The following GRM8 variants were observed in gnomAD, a reference collection of about 807,000 sequenced individuals.
GRM8 encodes glutamate metabotropic receptor 8, also known as metabotropic glutamate receptor 8.
In GRM8, 47 loss-of-function variants were observed where a neutral mutation model predicts 87.2. The ratio of observed to expected loss-of-function variants is 0.54; its 90% CI spans 0.43 to 0.69. The LOEUF (loss-of-function observed/expected upper bound fraction) is 0.69, where lower values mean the gene tolerates loss of function less well. Ranked by LOEUF, GRM8 falls within the 30% of genes least tolerant of loss-of-function variation. GRM8 has a pLI of 0.00. For missense variants in GRM8, 1,019 were observed against 1,139.2 expected (o/e 0.89, Z 1.52); for synonymous variants, 396 against 404.5 (o/e 0.98, Z 0.25).
chr7:127,006,348 A>T (rs1231834131), intron 3 of GRM8, among the ~76,000 whole-genome samples: 4 of 151,968 alleles, frequency 2.6e-5, no homozygotes, highest in Non-Finnish European at 5.9e-5. Context: ...GCATGTAAAC[A>T]TGTTGTAAAA....
chr7:126,974,695 G>A (rs1431675881), intron 3 of GRM8, among the ~76,000 whole-genome samples: 1 of 152,066 alleles, frequency 6.6e-6, no homozygotes, highest in South Asian at 2.1e-4. Flanking sequence ...AGCACTTTGG[G>A]AGGCTAGATG....
At chr7:127,251,632 G>T (rs1024650462) in intron 1 of GRM8, among the ~76,000 whole-genome samples, 5 of 151,492 alleles carry the variant, frequency 3.3e-5, no homozygotes, top group Non-Finnish European at 7.4e-5. Flanking sequence ...CCTTTCCCGC[G>T]CCCCGGGGCA....
chr7:127,076,475 G>T (rs1822269301), intron 3 of GRM8, among the ~76,000 whole-genome samples: 1 of 152,188 alleles, frequency 6.6e-6, no homozygotes, highest in South Asian at 2.1e-4. Context: ...CCCAAGGCTG[G>T]GATGAGGCAG....
At chr7:126,560,675 A>G (rs2150957313) in intron 8 of GRM8, among the ~76,000 whole-genome samples, 1 of 152,348 alleles carries the variant, frequency 6.6e-6, no homozygotes, top group African/African-American at 2.4e-5. Flanking sequence ...AATGCTATAA[A>G]GCAGCACTGC....
At chr7:126,870,981 T>C (rs1303049652) in intron 6 of GRM8, among the ~76,000 whole-genome samples, 1 of 152,198 alleles carries the variant, frequency 6.6e-6, no homozygotes, top group Non-Finnish European at 1.5e-5. Flanking sequence ...AAAACTTATT[T>C]TGCTATATCT....
At chr7:126,858,732 T>C (rs1296355940) in intron 6 of GRM8, among the ~76,000 whole-genome samples, 4 of 152,156 alleles carry the variant, frequency 2.6e-5, no homozygotes, top group African/African-American at 9.7e-5. Context: ...TCATGTTCCT[T>C]GTTTCTGCTT....
intron 3 of GRM8, among the ~76,000 whole-genome samples, chr7:126,908,361 A>T (rs1457345902): frequency 4.6e-5 from 7 of 152,238 alleles, no homozygotes; most frequent in Admixed American, 1.3e-4. Context: ...TGTATAATTT[A>T]TTTAAAATGC....
intron 9 of GRM8, among the ~76,000 whole-genome samples, chr7:126,489,418 T>G (rs988096663): frequency 2.0e-5 from 3 of 152,090 alleles, no homozygotes; most frequent in Non-Finnish European, 4.4e-5. Context: ...CCTTGAGGTA[T>G]GCAGTACTTG....
intron 3 of GRM8, among the ~76,000 whole-genome samples, chr7:126,947,729 T>C (rs1417715648): frequency 6.6e-6 from 1 of 152,164 alleles, no homozygotes; most frequent in African/African-American, 2.4e-5. Flanking sequence ...CATTTTGGTC[T>C]CCATAGATTT....
intron 8 of GRM8, among the ~76,000 whole-genome samples, chr7:126,572,888 C>T (rs1259559747): frequency 6.6e-6 from 1 of 151,998 alleles, no homozygotes; most frequent in Non-Finnish European, 1.5e-5. Flanking sequence ...TGAATGAAGA[C>T]CCACAAAGAT....
chr7:126,787,952 T>A (rs1323235973), intron 6 of GRM8, among the ~76,000 whole-genome samples: 1 of 152,104 alleles, frequency 6.6e-6, no homozygotes, highest in Admixed American at 6.6e-5. Flanking sequence ...AAATATCACC[T>A]AAAAATTAAA....
At chr7:126,518,046 C>A (rs1812429656) in intron 9 of GRM8, among the ~76,000 whole-genome samples, 1 of 152,000 alleles carries the variant, frequency 6.6e-6, no homozygotes, top group Admixed American at 6.6e-5. Flanking sequence ...GTTCTTGTCA[C>A]CAACACTTTA....
At chr7:127,043,236 A>G (rs1818603878) in intron 3 of GRM8, among the ~76,000 whole-genome samples, 1 of 152,202 alleles carries the variant, frequency 6.6e-6, no homozygotes, top group Admixed American at 6.5e-5. Flanking sequence ...AACTAGAAAT[A>G]CCATTTAACC....
At chr7:126,514,856 T>G (rs1205905845) in intron 9 of GRM8, among the ~76,000 whole-genome samples, 1 of 152,074 alleles carries the variant, frequency 6.6e-6, no homozygotes, top group African/African-American at 2.4e-5. Flanking sequence ...TTCTAAGAAT[T>G]TTTTAGTATT....
At chr7:126,783,538 A>G (rs1314962191) in intron 6 of GRM8, among the ~76,000 whole-genome samples, 1 of 152,198 alleles carries the variant, frequency 6.6e-6, no homozygotes, top group Non-Finnish European at 1.5e-5. Context: ...TCTAAGCTTC[A>G]TATAGGCCAT....
At chr7:126,442,358 A>ACTTTCTATTT (rs1801565129) in intron 10 of GRM8, among the ~76,000 whole-genome samples, 1 of 152,062 alleles carries the variant, frequency 6.6e-6, no homozygotes, top group Non-Finnish European at 1.5e-5. Flanking sequence ...TTTAATTTAT[A>ACTTTCTATTT]TAATACTCTC....
chr7:126,939,010 G>T (rs1297781727), intron 3 of GRM8, among the ~76,000 whole-genome samples: 2 of 152,022 alleles, frequency 1.3e-5, no homozygotes, highest in Non-Finnish European at 2.9e-5. Context: ...AAAGCACTTG[G>T]GGCAATGCCC....
chr7:127,065,734 C>T (rs1821040915), intron 3 of GRM8, among the ~76,000 whole-genome samples: 1 of 152,154 alleles, frequency 6.6e-6, no homozygotes, highest in Non-Finnish European at 1.5e-5. Context: ...TCTTTTGTTA[C>T]TGCCACAGTT....
chr7:126,714,302 T>TAAC (rs1410278662), intron 7 of GRM8, among the ~76,000 whole-genome samples: 121 of 147,200 alleles, frequency 8.2e-4, no homozygotes, highest in African/African-American at 2.9e-3. Context: ...ATAATAATAA[T>TAAC]AATAATAATA....
Sources: allele counts gnomAD v4.1 joint callset (sites outside exome capture counted in the v4.1 genomes callset), GRCh38; gene constraint gnomAD v4.1.1; transcripts MANE v1.5; gene names NCBI Gene and HGNC (gene_info 2026-07-23, HGNC 2026-07-21).